STAM2: variants seen among roughly 807,000 people sequenced by gnomAD.
The protein encoded by STAM2 is signal transducing adaptor molecule 2, also known as signal transducing adapter molecule 2.
STAM2 carries 51 observed loss-of-function variants against 65.6 expected under a neutral mutation model. That is an observed-to-expected ratio of 0.78 (90% confidence interval 0.62 to 0.98). The LOEUF is 0.98. STAM2 is among the 50% of genes least tolerant of loss of function. The probability of loss-of-function intolerance (pLI) is 0.00; values close to 1 mark genes in which losing one functional copy is unlikely to be tolerated. For synonymous variants in STAM2, 198 were observed against 208.4 expected (o/e 0.95, Z 0.43); for missense variants, 584 against 617.8 (o/e 0.95, Z 0.58).
In STAM2 at chr2:152,126,295, C is replaced by T. The variant is rs1206485071; in HGVS notation, c.1110G>A (p.Val370=). The T allele has an allele frequency of 6.2e-7, 1 of 1,609,504 alleles. No homozygotes were observed. The highest frequency in any genetic ancestry group is 8.5e-7 in the Non-Finnish European group (1 of 1,177,724). ...LYNKLVNEAP[V]YSVYSKLHPP... ...GGTGGAGCTTTGAATAGACTGAGTA[C>T]ACTGGTGCTTCATTCACCAATTTGT... is the stretch of plus-strand genomic sequence containing the variant. The change falls in exon 12 of 14, where the codon GTG becomes GTA. Residue 370 remains valine (V), a synonymous_variant. Transcript: ENST00000263904.
rs1688812553 is a variant in STAM2 at position 152,119,619 on chromosome 2, A to C, written c.*955T>G. 1 of 152,276 alleles carries C rather than the reference A, an allele frequency of 6.6e-6. No individual in the cohort carries two copies. Among genetic ancestry groups the C allele is most frequent in the Non-Finnish European group, 1.5e-5 (1 of 68,046 alleles). The allele number at this position is 152,276 out of a possible 1,614,324, so 9.4% of individuals were successfully genotyped here. ...ACGCAATCCCATAAAAAGGATATGC[A>C]GCATCTCTGCACACCACATTGCAGG... On this transcript the variant is annotated 3_prime_UTR_variant, in exon 14 of 14. Coordinates refer to ENST00000263904, the MANE Select transcript of STAM2 (RefSeq NM_005843.6).
chr2:152,161,505 A>C (rs1327626127), intron 1 of STAM2, among the ~76,000 whole-genome samples: 3 of 151,494 alleles, frequency 2.0e-5, no homozygotes, highest in Admixed American at 6.6e-5. Flanking sequence ...AAAAAAAAAA[A>C]AAAAAAAAAA....
rs549677045 is a variant in STAM2, at chr2:152,118,817, T to TA, written c.*1756dup. The TA allele has an allele frequency of 6.6e-5, 10 of 152,164 alleles. No individual in the cohort carries two copies. The South Asian group carries it at 2.1e-3, about 32-fold the overall frequency. 9.4% of individuals were successfully genotyped at this position (152,164 alleles called of 1,614,324 possible). A position where few individuals can be genotyped will look rare whatever the true frequency, so the allele number is the denominator to read the frequency against. On this transcript the variant is annotated 3_prime_UTR_variant, in exon 14 of 14. Transcript: ENST00000263904. ...AATTAACATAAAGGAAAATACTGAATAAAAAACAGAACATGAGATATTAAA... is the reference window on the plus strand; with the variant it reads ...AATTAACATAAAGGAAAATACTGAATAAAAAAACAGAACATGAGATATTAAA...
chr2:152,147,190 CCTT>C lies in STAM2; in HGVS notation c.416_418del (p.Glu139del), dbSNP rs1417751943. 4 of 1,607,594 alleles carry C rather than the reference CCTT, an allele frequency of 2.5e-6. No individual in the cohort carries two copies. Among genetic ancestry groups the C allele is most frequent in the African/African-American group, 1.3e-5 (1 of 74,468 alleles). On this transcript the variant is annotated inframe_deletion, in exon 5 of 14. Coordinates refer to ENST00000263904, the MANE Select transcript of STAM2 (RefSeq NM_005843.6). The stretch of plus-strand genomic sequence containing the variant: ...AGAACCTGCTGGAGGAAAAGTAATT[CCTT>C]CTTCTTTCATAGATTTAATAGTTGC...
chr2:152,143,689 A>C, intron 7 of STAM2, 138 bp downstream of exon 7: 1 of 555,662 alleles, frequency 1.8e-6, no homozygotes, highest in Non-Finnish European at 2.9e-6. Context: ...TACATGCCTA[A>C]CTTTTATTTT....
Position 152,175,748 on chromosome 2 carries a change from C to A in STAM2, c.-106G>T. 1 of 1,269,670 alleles carries A rather than the reference C, an allele frequency of 7.9e-7. No homozygotes were observed. The highest frequency in any genetic ancestry group is 1.1e-6 in the Non-Finnish European group (1 of 900,994). 78.7% of individuals were successfully genotyped at this position (1,269,670 alleles called of 1,614,324 possible). Reference sequence around the variant, plus strand: ...GCTCCCTAGACCGCTCCGCTTCGGCCTCCGTCCCTGCACTTCCGCCACCGC... The same window carrying A: ...GCTCCCTAGACCGCTCCGCTTCGGCATCCGTCCCTGCACTTCCGCCACCGC... On this transcript the variant is annotated 5_prime_UTR_variant, in exon 1 of 14. In the 5' UTR this introduces an upstream ATG that the reference lacks. Transcript: ENST00000263904.
intron 1 of STAM2, among the ~76,000 whole-genome samples, chr2:152,159,525 G>A (rs918006382): frequency 5.9e-5 from 9 of 152,002 alleles, no homozygotes; most frequent in African/African-American, 1.9e-4. Context: ...TGAATAAATT[G>A]TATATATTTA....
In STAM2 at chr2:152,122,382, A is replaced by G. The variant is rs559232351; in HGVS notation, c.1349+1384T>C. 9.9e-5 allele frequency among the ~76,000 whole-genome samples: 15 copies of G among 152,100 alleles called. No individual in the cohort carries two copies. The South Asian group carries it at 2.9e-3, about 30-fold the overall frequency. On this transcript the variant is annotated intron_variant, in intron 13 of 13. Transcript: ENST00000263904. ...GGAGGCTGCAGTGAACTATGATCAC[A>G]CTACTGTACTTCAGCCTGGGTGATA...
chr2:152,169,283 T>C (rs1689856460), intron 1 of STAM2, among the ~76,000 whole-genome samples: 2 of 152,180 alleles, frequency 1.3e-5, no homozygotes, highest in Admixed American at 1.3e-4. Context: ...TTCGTTTTTT[T>C]GTTTTGTTCG....
intron 11 of STAM2, 127 bp downstream of exon 11, chr2:152,131,987 T>C: frequency 1.6e-6 from 1 of 625,598 alleles, no homozygotes; most frequent in Non-Finnish European, 2.7e-6. Context: ...GTTAAAAGCC[T>C]GGGAAACTGA....
intron 1 of STAM2, among the ~76,000 whole-genome samples, chr2:152,150,530 T>C (rs1443738756): frequency 6.6e-6 from 1 of 152,212 alleles, no homozygotes; most frequent in African/African-American, 2.4e-5. Context: ...AGGCCGGGCA[T>C]GGTGGCTCAT....
intron 13 of STAM2, among the ~76,000 whole-genome samples, chr2:152,121,239 G>A (rs960449155): frequency 6.6e-6 from 1 of 152,198 alleles, no homozygotes; most frequent in African/African-American, 2.4e-5. Context: ...CTCTCAAAGC[G>A]TTGGGATTAC....
intron 1 of STAM2, among the ~76,000 whole-genome samples, chr2:152,159,223 T>C (rs767245887): frequency 2.6e-5 from 4 of 151,318 alleles, no homozygotes; most frequent in Non-Finnish European, 4.4e-5. Flanking sequence ...GGAGGATTCC[T>C]TGTGCCCAGG....
intron 1 of STAM2, among the ~76,000 whole-genome samples, chr2:152,157,124 A>G (rs1689569677): frequency 6.6e-6 from 1 of 152,122 alleles, no homozygotes; most frequent in South Asian, 2.1e-4. Flanking sequence ...TAGCCCAAGT[A>G]GAGAAGGACT....
chr2:152,147,145 C>G lies in STAM2; in HGVS notation c.447+17G>C, dbSNP rs1371460585. ...AAATATTATAGGGTCAACCATGGGTCTGAATAAATCTCTCACCTGAGAACC... is the reference window on the plus strand; with the variant it reads ...AAATATTATAGGGTCAACCATGGGTGTGAATAAATCTCTCACCTGAGAACC... On this transcript the variant is annotated intron_variant, in intron 5 of 13. Coordinates refer to ENST00000263904, the MANE Select transcript of STAM2 (RefSeq NM_005843.6). 6.3e-7 allele frequency: 1 copy of G among 1,591,508 alleles called. No individual in the cohort carries two copies. Among genetic ancestry groups the G allele is most frequent in the South Asian group, 1.2e-5 (1 of 86,776 alleles).
chr2:152,164,261 A>G (rs1371988456), intron 1 of STAM2, among the ~76,000 whole-genome samples: 2 of 152,216 alleles, frequency 1.3e-5, no homozygotes, highest in South Asian at 4.1e-4. Context: ...GATAATACAT[A>G]TCTTAAACAC....
chr2:152,150,962 A>G (rs574745101), intron 1 of STAM2, among the ~76,000 whole-genome samples: 11 of 152,160 alleles, frequency 7.2e-5, no homozygotes, highest in Admixed American at 5.9e-4. Context: ...TTGGCTCCCA[A>G]ATGTTGGGAT....
chr2:152,120,215 C>G lies in STAM2; in HGVS notation c.*359G>C. 5 of 179,082 alleles carry G rather than the reference C, an allele frequency of 2.8e-5. No homozygotes were observed. In the South Asian group the frequency reaches 6.0e-4, roughly 21 times the overall value. 11.1% of individuals were successfully genotyped at this position (179,082 alleles called of 1,614,324 possible). A position where few individuals can be genotyped will look rare whatever the true frequency, so the allele number is the denominator to read the frequency against. The stretch of plus-strand genomic sequence containing the variant: ...TGACAAACTCACTCTGTCGATCATG[C>G]TACTGCACTCCAGCCTGGGTGACAG... On this transcript the variant is annotated 3_prime_UTR_variant, in exon 14 of 14. Coordinates refer to ENST00000263904, the MANE Select transcript of STAM2 (RefSeq NM_005843.6).
chr2:152,122,016 C>G (rs1453862492), intron 13 of STAM2, among the ~76,000 whole-genome samples: 1 of 150,800 alleles, frequency 6.6e-6, no homozygotes, highest in Non-Finnish European at 1.5e-5. Context: ...CTGCTGCACT[C>G]CAGCCTGGGT....
Sources: gnomAD v4.1 joint callset for allele counts (sites outside exome capture counted in the v4.1 genomes callset) on GRCh38, gnomAD v4.1.1 for gene constraint, MANE v1.5 for transcripts, NCBI Gene and HGNC (gene_info 2026-07-23, HGNC 2026-07-21) for gene names.